RAB28: variants seen among roughly 807,000 people sequenced by gnomAD.
RAB28 encodes the protein RAB28, member RAS oncogene family, also known as ras-related protein Rab-28.
In RAB28, 24 loss-of-function variants were observed where a neutral mutation model predicts 31.7. That is an observed-to-expected ratio of 0.76 (90% confidence interval 0.55 to 1.06). RAB28 has a LOEUF of 1.06. Ranked by LOEUF, RAB28 falls within the 50% of genes least tolerant of loss-of-function variation. The probability of loss-of-function intolerance (pLI) is 0.00; values close to 1 mark genes in which losing one functional copy is unlikely to be tolerated. For synonymous variants in RAB28, 100 were observed against 90.4 expected (o/e 1.11, Z -0.60); for missense variants, 254 against 258.5 (o/e 0.98, Z 0.12).
intron 4 of RAB28, among the ~76,000 whole-genome samples, chr4:13,445,210 G>A (rs555561570): frequency 6.6e-6 from 1 of 151,870 alleles, no homozygotes; most frequent in Non-Finnish European, 1.5e-5. Context: ...TTCTCATGCT[G>A]TGTTTTTCAG....
At chr4:13,427,441 T>C (rs1713566736) in intron 4 of RAB28, among the ~76,000 whole-genome samples, 1 of 152,230 alleles carries the variant, frequency 6.6e-6, no homozygotes, top group Admixed American at 6.5e-5. Flanking sequence ...TCACTCCTTC[T>C]GCCTACAGGT....
intron 4 of RAB28, among the ~76,000 whole-genome samples, chr4:13,400,298 T>C (rs530935877): frequency 1.3e-5 from 2 of 152,298 alleles, no homozygotes; most frequent in Non-Finnish European, 2.9e-5. Flanking sequence ...AGCATATTCT[T>C]ATTCTTGGAT....
intron 4 of RAB28, among the ~76,000 whole-genome samples, chr4:13,409,982 C>A (rs1184268718): frequency 2.0e-5 from 3 of 151,890 alleles, no homozygotes; most frequent in Non-Finnish European, 4.4e-5. Context: ...TTAGCACCAT[C>A]CCCCTAGTGC....
At chr4:13,402,745 G>A (rs1413873965) in intron 4 of RAB28, among the ~76,000 whole-genome samples, 1 of 151,820 alleles carries the variant, frequency 6.6e-6, no homozygotes, top group Non-Finnish European at 1.5e-5. Flanking sequence ...TCTGTAAGGG[G>A]CCAGATAGTA....
chr4:13,406,391 C>T (rs184681848), intron 4 of RAB28, among the ~76,000 whole-genome samples: 8 of 152,240 alleles, frequency 5.3e-5, no homozygotes, highest in Non-Finnish European at 7.4e-5. Flanking sequence ...TTTCTTTATC[C>T]AGTCTACCAT....
intron 4 of RAB28, among the ~76,000 whole-genome samples, chr4:13,427,151 C>G: frequency 6.6e-6 from 1 of 152,102 alleles, no homozygotes; most frequent in East Asian, 1.9e-4. Flanking sequence ...TTCTGAAATT[C>G]TCTTCATTAA....
At chr4:13,401,966 T>C (rs961883827) in intron 4 of RAB28, among the ~76,000 whole-genome samples, 5 of 152,250 alleles carry the variant, frequency 3.3e-5, no homozygotes, top group Non-Finnish European at 7.3e-5. Flanking sequence ...TTAAATGTAG[T>C]CTTTTTATTT....
intron 3 of RAB28, among the ~76,000 whole-genome samples, chr4:13,462,401 A>C (rs1333071998): frequency 6.6e-6 from 1 of 152,208 alleles, no homozygotes; most frequent in Non-Finnish European, 1.5e-5. Context: ...ATAGTAAAAT[A>C]ATTAGTGATA....
chr4:13,467,367 G>A (rs1483657427), intron 3 of RAB28, among the ~76,000 whole-genome samples: 1 of 151,494 alleles, frequency 6.6e-6, no homozygotes, highest in Non-Finnish European at 1.5e-5. Context: ...AAAAAAGTGA[G>A]TATCAGAAAA....
chr4:13,460,080 C>T (rs1715515466), intron 4 of RAB28, among the ~76,000 whole-genome samples: 3 of 152,222 alleles, frequency 2.0e-5, no homozygotes, highest in Admixed American at 2.0e-4. Flanking sequence ...AATTTGCTCA[C>T]TCCAGAAAAG....
At chr4:13,397,073 A>G (rs965065904) in intron 4 of RAB28, among the ~76,000 whole-genome samples, 4 of 152,254 alleles carry the variant, frequency 2.6e-5, no homozygotes, top group African/African-American at 9.6e-5. Flanking sequence ...GGCTCTTAAA[A>G]TAAATACAAA....
intron 3 of RAB28, chr4:13,473,706 T>C (rs1716218416): frequency 7.4e-6 from 2 of 270,204 alleles, no homozygotes; most frequent in Non-Finnish European, 1.5e-5. Flanking sequence ...TAAGCTCATG[T>C]TGCGAAATTT....
intron 4 of RAB28, among the ~76,000 whole-genome samples, chr4:13,418,868 T>A (rs1213542438): frequency 6.6e-6 from 1 of 152,108 alleles, no homozygotes; most frequent in African/African-American, 2.4e-5. Context: ...AACCAGCTGA[T>A]ATCATAATGA....
intron 4 of RAB28, among the ~76,000 whole-genome samples, chr4:13,458,946 T>G (rs1715449398): frequency 6.6e-6 from 1 of 152,200 alleles, no homozygotes; most frequent in Non-Finnish European, 1.5e-5. Flanking sequence ...CATGTGTCAG[T>G]GAGGGTGTTG....
intron 4 of RAB28, among the ~76,000 whole-genome samples, chr4:13,406,688 G>C (rs148982656): frequency 4.6e-5 from 7 of 152,110 alleles, no homozygotes; most frequent in Admixed American, 2.0e-4. Flanking sequence ...TTTAAAGATC[G>C]CCATTCTAAC....
chr4:13,386,856 T>C (rs572384758), intron 4 of RAB28, among the ~76,000 whole-genome samples: 27 of 152,260 alleles, frequency 1.8e-4, no homozygotes, highest in Admixed American at 1.6e-3. Context: ...TAAATGCCTG[T>C]CATTGACAGA....
At chr4:13,420,071 G>A (rs1005726730) in intron 4 of RAB28, among the ~76,000 whole-genome samples, 2 of 151,956 alleles carry the variant, frequency 1.3e-5, no homozygotes, top group Admixed American at 1.3e-4. Flanking sequence ...ATGATAAAGG[G>A]GATATCACCA....
intron 4 of RAB28, among the ~76,000 whole-genome samples, chr4:13,383,400 A>G (rs1729217906): frequency 6.6e-6 from 1 of 152,062 alleles, no homozygotes; most frequent in Admixed American, 6.5e-5. Context: ...ATCTCCATCT[A>G]TCATTTACTA....
chr4:13,389,014 A>G (rs900627530), intron 4 of RAB28, among the ~76,000 whole-genome samples: 2 of 152,124 alleles, frequency 1.3e-5, no homozygotes, highest in African/African-American at 4.8e-5. Flanking sequence ...ATCCAAGTTT[A>G]CAACAGCACT....
Sources: gnomAD v4.1 joint callset for allele counts (sites outside exome capture counted in the v4.1 genomes callset) on GRCh38, gnomAD v4.1.1 for gene constraint, MANE v1.5 for transcripts, NCBI Gene and HGNC (gene_info 2026-07-23, HGNC 2026-07-21) for gene names.